DOCK4: variants seen among roughly 807,000 people sequenced by gnomAD.
DOCK4 encodes the protein dedicator of cytokinesis protein 4.
In DOCK4, 97 loss-of-function variants were observed where a neutral mutation model predicts 268.1. The ratio of observed to expected loss-of-function variants is 0.36; its 90% CI spans 0.31 to 0.43. DOCK4 has a LOEUF of 0.43. Among genes scored for constraint, DOCK4 ranks in the 20% least tolerant of loss-of-function variants. DOCK4 has a pLI of 1.00. For missense variants in DOCK4, 2,145 were observed against 2,455.7 expected (o/e 0.87, Z 2.67); for synonymous variants, 954 against 887.2 (o/e 1.08, Z -1.34).
intron 36 of DOCK4, among the ~76,000 whole-genome samples, chr7:111,776,970 C>T (rs1208181241): frequency 1.3e-5 from 2 of 152,106 alleles, no homozygotes; most frequent in Non-Finnish European, 2.9e-5. Flanking sequence ...ACATGTGCCA[C>T]CATGACGGGC....
intron 52 of DOCK4, 62 bp from the exon 53 acceptor site, chr7:111,728,782 T>C: frequency 6.8e-7 from 1 of 1,477,358 alleles, no homozygotes; most frequent in Non-Finnish European, 9.1e-7. Flanking sequence ...GCAGATGCGC[T>C]GAAATGTACG....
chr7:111,875,457 G>A (rs1806775578), intron 17 of DOCK4, among the ~76,000 whole-genome samples: 1 of 152,176 alleles, frequency 6.6e-6, no homozygotes, highest in Admixed American at 6.5e-5. Flanking sequence ...TGTGTGGTAG[G>A]CAGAATAATG....
At chr7:112,200,961 TA>T (rs991804678) in intron 1 of DOCK4, among the ~76,000 whole-genome samples, 4 of 152,122 alleles carry the variant, frequency 2.6e-5, no homozygotes, top group African/African-American at 4.8e-5. Flanking sequence ...TATTCCCACT[TA>T]AAGTTTAGAA....
chr7:111,885,070 G>A (rs1470091745), intron 16 of DOCK4, among the ~76,000 whole-genome samples: 1 of 152,198 alleles, frequency 6.6e-6, no homozygotes, highest in African/African-American at 2.4e-5. Flanking sequence ...TTAGGTGAAA[G>A]GCTAAGAGTC....
chr7:112,085,959 T>G (rs558907370), intron 1 of DOCK4, among the ~76,000 whole-genome samples: 2 of 152,136 alleles, frequency 1.3e-5, no homozygotes, highest in South Asian at 4.1e-4. Flanking sequence ...TGAAACATTG[T>G]AATATGGGCT....
chr7:112,165,370 C>T (rs763936327), intron 1 of DOCK4, among the ~76,000 whole-genome samples: 39 of 151,902 alleles, frequency 2.6e-4, no homozygotes, highest in Non-Finnish European at 1.9e-4. Flanking sequence ...TGCTCTACGT[C>T]CATGTGATCA....
At chr7:111,834,365 C>T (rs1803073349) in intron 26 of DOCK4, among the ~76,000 whole-genome samples, 4 of 152,116 alleles carry the variant, frequency 2.6e-5, no homozygotes, top group Admixed American at 2.0e-4. Flanking sequence ...ACTTCACATC[C>T]TATATCCTTC....
At chr7:111,940,424 G>A (rs750834220) in intron 10 of DOCK4, among the ~76,000 whole-genome samples, 182 bp from the exon 11 acceptor site, 4 of 152,168 alleles carry the variant, frequency 2.6e-5, no homozygotes, top group Non-Finnish European at 4.4e-5. Flanking sequence ...TCACCTAGCT[G>A]TGTGACCTTG....
chr7:111,799,298 A>C (rs10254599), intron 30 of DOCK4, among the ~76,000 whole-genome samples: 30,268 of 152,174 alleles, frequency 0.2, 3,473 homozygotes, highest in East Asian at 0.53. Context: ...CAATGTGCTC[A>C]GATATTGTTT....
chr7:111,879,165 G>A (rs1562837079), intron 16 of DOCK4, among the ~76,000 whole-genome samples: 1 of 152,000 alleles, frequency 6.6e-6, no homozygotes, highest in Non-Finnish European at 1.5e-5. Context: ...AGGGCACTGG[G>A]CAGAGTCATG....
intron 44 of DOCK4, among the ~76,000 whole-genome samples, chr7:111,745,619 G>A (rs1217011718): frequency 7.2e-6 from 1 of 138,972 alleles, no homozygotes; most frequent in African/African-American, 2.7e-5. Flanking sequence ...AGGAGGCGGA[G>A]CTTGCAGTGA....
intron 1 of DOCK4, among the ~76,000 whole-genome samples, chr7:112,164,538 C>T (rs1817418383): frequency 6.6e-6 from 1 of 152,140 alleles, no homozygotes; most frequent in South Asian, 2.1e-4. Context: ...TAAGTATGTA[C>T]TGCTTCATTT....
chr7:111,949,123 T>C (rs967131215), intron 8 of DOCK4, among the ~76,000 whole-genome samples: 3 of 152,170 alleles, frequency 2.0e-5, no homozygotes, highest in African/African-American at 7.2e-5. Context: ...TTTTCCCTTC[T>C]CCTATATCAT....
At chr7:111,908,430 AGAGT>A (rs1408856969) in intron 13 of DOCK4, among the ~76,000 whole-genome samples, 3 of 152,070 alleles carry the variant, frequency 2.0e-5, no homozygotes, top group Non-Finnish European at 4.4e-5. Flanking sequence ...CCTGGGCAAC[AGAGT>A]GAGACTCCGT....
chr7:111,935,006 G>A (rs1794611266), intron 12 of DOCK4, among the ~76,000 whole-genome samples: 1 of 151,734 alleles, frequency 6.6e-6, no homozygotes, highest in Non-Finnish European at 1.5e-5. Context: ...GAGTGCAATG[G>A]CACAATCTCA....
chr7:111,937,375 T>G (rs1020621328), intron 11 of DOCK4, among the ~76,000 whole-genome samples: 6 of 152,232 alleles, frequency 3.9e-5, no homozygotes, highest in Non-Finnish European at 7.3e-5. Context: ...ATGGGCATTT[T>G]TCAGGAATTT....
intron 23 of DOCK4, among the ~76,000 whole-genome samples, chr7:111,860,067 T>C (rs1805376949): frequency 1.3e-5 from 2 of 152,180 alleles, no homozygotes; most frequent in Admixed American, 6.5e-5. Context: ...GATCACACTC[T>C]CCAGTTAACC....
intron 23 of DOCK4, among the ~76,000 whole-genome samples, chr7:111,854,003 G>A (rs944809349): frequency 1.3e-5 from 2 of 151,154 alleles, no homozygotes; most frequent in South Asian, 2.1e-4. Context: ...GCATGATCTC[G>A]GCTCACTGCA....
chr7:111,738,146 T>C (rs186057038), intron 49 of DOCK4, among the ~76,000 whole-genome samples: 1 of 152,318 alleles, frequency 6.6e-6, no homozygotes, highest in Admixed American at 6.5e-5. Flanking sequence ...TCTTCAACTT[T>C]GAAACCACCC....
Sources: gnomAD v4.1 joint callset for allele counts (sites outside exome capture counted in the v4.1 genomes callset) on GRCh38, gnomAD v4.1.1 for gene constraint, MANE v1.5 for transcripts, NCBI Gene and HGNC (gene_info 2026-07-23, HGNC 2026-07-21) for gene names.